SPOCK3: variants seen among roughly 807,000 people sequenced by gnomAD.
SPOCK3 encodes the protein testican-3.
A neutral mutation model predicts 56.6 loss-of-function variants in SPOCK3; 30 were observed. The observed-to-expected ratio is 0.53, with a 90% CI of 0.40 to 0.72. The LOEUF (loss-of-function observed/expected upper bound fraction) is 0.72, where lower values mean the gene tolerates loss of function less well. SPOCK3 is among the 30% of genes least tolerant of loss of function. The probability of loss-of-function intolerance (pLI) is 0.00; values close to 1 mark genes in which losing one functional copy is unlikely to be tolerated. For synonymous variants in SPOCK3, 196 were observed against 183.3 expected, an observed-to-expected ratio of 1.07 and a Z score of -0.56; for missense variants, 527 against 530.0, an observed-to-expected ratio of 0.99 and a Z score of 0.06.
intron 2 of SPOCK3, among the ~76,000 whole-genome samples, chr4:167,227,425 T>C (rs188725544): frequency 1.3e-5 from 2 of 152,284 alleles, no homozygotes; most frequent in East Asian, 3.9e-4. Flanking sequence ...GATTTTTCAA[T>C]TGGCAATGTA....
Position 167,186,335 on chromosome 4 carries a change from A to G in SPOCK3, c.189+47650T>C, listed in dbSNP as rs144861640. Among the ~76,000 whole-genome samples the G allele has an allele frequency of 5.1e-4, 78 of 152,314 alleles. 1 individual carries two copies. The highest frequency in any genetic ancestry group is 1.6e-3 in the African/African-American group (68 of 41,580). On this transcript the variant is annotated intron_variant, in intron 2 of 10. Transcript: ENST00000357545. The stretch of plus-strand genomic sequence containing the variant: ...TCATAAATACTTGTTCACATTTAAA[A>G]CAAATCTCTAGGCCGGGCGTGGTGT...
intron 2 of SPOCK3, among the ~76,000 whole-genome samples, chr4:167,159,324 C>G (rs1765080149): frequency 6.6e-6 from 1 of 151,828 alleles, no homozygotes; most frequent in African/African-American, 2.4e-5. Flanking sequence ...CATCTTGGAA[C>G]CTGAGAAAAT....
At chr4:166,846,195 T>C (rs1748041062) in intron 6 of SPOCK3, among the ~76,000 whole-genome samples, 1 of 152,162 alleles carries the variant, frequency 6.6e-6, no homozygotes, top group Non-Finnish European at 1.5e-5. Flanking sequence ...GGTACCTGAC[T>C]TCTTTTTGGT....
intron 3 of SPOCK3, among the ~76,000 whole-genome samples, chr4:167,057,915 C>T (rs1301960334): frequency 6.6e-6 from 1 of 152,164 alleles, no homozygotes; most frequent in Non-Finnish European, 1.5e-5. Flanking sequence ...AGGAGTTAAA[C>T]TCAGCTCTGC....
chr4:166,932,563 T>C (rs1052870025), intron 4 of SPOCK3, among the ~76,000 whole-genome samples: 6 of 152,196 alleles, frequency 3.9e-5, no homozygotes, highest in African/African-American at 1.2e-4. Flanking sequence ...GAAGTTGTAT[T>C]ATGTTTTATA....
chr4:166,902,631 C>A (rs1375521634), intron 5 of SPOCK3, among the ~76,000 whole-genome samples: 1 of 150,848 alleles, frequency 6.6e-6, no homozygotes, highest in Non-Finnish European at 1.5e-5. Flanking sequence ...ACATATGTAA[C>A]ATGATATTTA....
At position 166,975,229 on chromosome 4, in the gene SPOCK3, T is replaced by C. The variant is rs376311539; in HGVS notation, c.350+25120A>G. Reference sequence around the variant, plus strand: ...TTATCCAGTCTCATGTATCCAGATGTATTCAGTTACAGCAACAGAAAGCAG... The same window carrying C: ...TTATCCAGTCTCATGTATCCAGATGCATTCAGTTACAGCAACAGAAAGCAG... On this transcript the variant is annotated intron_variant, in intron 4 of 10. Coordinates refer to ENST00000357545, the MANE Select transcript of SPOCK3 (RefSeq NM_001040159.2). Among the ~76,000 whole-genome samples, 3 of 152,200 alleles carry C rather than the reference T, an allele frequency of 2.0e-5. No homozygotes were observed. The East Asian group carries it at 5.8e-4, about 29-fold the overall frequency.
intron 4 of SPOCK3, among the ~76,000 whole-genome samples, chr4:166,987,635 A>G (rs922054219): frequency 1.3e-5 from 2 of 152,232 alleles, no homozygotes; most frequent in East Asian, 3.8e-4. Context: ...ATCTCAAGTT[A>G]TAACAAAAAA....
chr4:166,752,359 A>C (rs1031664036), intron 8 of SPOCK3, among the ~76,000 whole-genome samples: 1 of 152,064 alleles, frequency 6.6e-6, no homozygotes, highest in Non-Finnish European at 1.5e-5. Flanking sequence ...TTTCAAAATT[A>C]ACTTTAATTT....
At chr4:166,986,929 A>G (rs554566548) in intron 4 of SPOCK3, among the ~76,000 whole-genome samples, 1 of 152,170 alleles carries the variant, frequency 6.6e-6, no homozygotes, top group Admixed American at 6.6e-5. Context: ...ACCCCATTGC[A>G]CCACCAGAAT....
At chr4:167,093,227 G>C (rs574771330) in intron 2 of SPOCK3, among the ~76,000 whole-genome samples, 3 of 152,076 alleles carry the variant, frequency 2.0e-5, no homozygotes, top group Admixed American at 2.0e-4. Context: ...TTGTTTGCTT[G>C]GGGAATTACT....
At chr4:166,973,009 C>G (rs897845993) in intron 4 of SPOCK3, among the ~76,000 whole-genome samples, 1 of 152,026 alleles carries the variant, frequency 6.6e-6, no homozygotes, top group East Asian at 1.9e-4. Context: ...GTTTACCCAC[C>G]GAAATCTCAT....
Position 166,733,511 on chromosome 4 carries a change from TA to T in SPOCK3, c.*1409del, listed in dbSNP as rs1733942311. The T allele has an allele frequency of 6.6e-6, 1 of 151,880 alleles. No homozygotes were observed. The highest frequency in any genetic ancestry group is 2.4e-5 in the African/African-American group (1 of 41,436). 9.4% of individuals were successfully genotyped at this position (151,880 alleles called of 1,614,324 possible). A position where few individuals can be genotyped will look rare whatever the true frequency, so the allele number is the denominator to read the frequency against. ...TGTGTATAAATTAAATGGAAATAAT[TA>T]ATCAATTTTGCTTTCAATGAATTGT... On this transcript the variant is annotated 3_prime_UTR_variant, in exon 11 of 11. Coordinates refer to ENST00000357545, the MANE Select transcript of SPOCK3 (RefSeq NM_001040159.2).
intron 6 of SPOCK3, among the ~76,000 whole-genome samples, chr4:166,860,045 A>T (rs774302524): frequency 6.6e-6 from 1 of 152,154 alleles, no homozygotes; most frequent in Non-Finnish European, 1.5e-5. Flanking sequence ...AAGATAATCT[A>T]ATACAACTGC....
rs1741427934 is a variant in SPOCK3 at position 166,792,175 on chromosome 4, C to T, written c.704G>A (p.Arg235Lys). 1 of 1,613,626 alleles carries T rather than the reference C, an allele frequency of 6.2e-7. No individual in the cohort carries two copies. The highest frequency in any genetic ancestry group is 1.1e-5 in the South Asian group (1 of 91,076). The part of the protein sequence containing the change: ...KKTKTLLRPE[R>K]SRFDTSILPI... The stretch of plus-strand genomic sequence containing the variant: ...ATCAAATTTAGAAATCTTACTGCTT[C>T]TCTCAGGCCTCAGCAATGTTTTTGT... The change falls in exon 7 of 11, where the codon AGA becomes AAA. Residue 235 changes from arginine (R) to lysine (K), a missense_variant. Physicochemically the swap from Arg to Lys is conservative, Grantham distance 26. Transcript: ENST00000357545.
intron 6 of SPOCK3, among the ~76,000 whole-genome samples, chr4:166,884,905 T>G (rs10012697): frequency 0.079 from 11,692 of 148,858 alleles, 527 homozygotes; most frequent in Non-Finnish European, 0.1. Flanking sequence ...ACACACTTAG[T>G]ATTAAAGTCT....
At chr4:166,817,564 T>C (rs1480238819) in intron 6 of SPOCK3, among the ~76,000 whole-genome samples, 2 of 151,988 alleles carry the variant, frequency 1.3e-5, no homozygotes, top group Non-Finnish European at 2.9e-5. Flanking sequence ...GTAGATTTTG[T>C]TTCATGCAAA....
At chr4:167,020,862 T>C (rs1751099908) in intron 3 of SPOCK3, among the ~76,000 whole-genome samples, 1 of 152,042 alleles carries the variant, frequency 6.6e-6, no homozygotes, top group Non-Finnish European at 1.5e-5. Context: ...CAAAACAGCA[T>C]GTTTCAAAAT....
At chr4:166,894,266 C>T (rs1367070528) in intron 5 of SPOCK3, among the ~76,000 whole-genome samples, 1 of 151,858 alleles carries the variant, frequency 6.6e-6, no homozygotes, top group Non-Finnish European at 1.5e-5. Context: ...TCATACTGGC[C>T]CCACCACAGG....
Sources: gnomAD v4.1 joint callset for allele counts (sites outside exome capture counted in the v4.1 genomes callset) on GRCh38, gnomAD v4.1.1 for gene constraint, MANE v1.5 for transcripts, NCBI Gene and HGNC (gene_info 2026-07-23, HGNC 2026-07-21) for gene names.